Variants in MUC17 observed in about 807,000 individuals in gnomAD.
The protein encoded by MUC17 is mucin-17.
MUC17 carries 190 observed loss-of-function variants against 170.3 expected under a neutral mutation model. The ratio of observed to expected loss-of-function variants is 1.12; its 90% CI spans 0.99 to 1.26. The LOEUF (loss-of-function observed/expected upper bound fraction) is 1.26. Ranked by LOEUF, MUC17 falls within the 50% of genes most tolerant of loss-of-function variation. The pLI is 0.00. For missense variants in MUC17, 6,415 were observed against 5,530.0 expected (o/e 1.16, Z -5.08); for synonymous variants, 2,325 against 2,002.5 (o/e 1.16, Z -4.30).
chr7:101,036,055 A>T lies in MUC17; in HGVS notation c.4639A>T (p.Thr1547Ser). Residue 1547 changes from threonine (T) to serine (S), a missense_variant, in exon 3 of 13, where the codon ACT becomes TCT. Transcript: ENST00000306151. ...TPAVTSTPVT[T>S]YSQASSSPTT... ...TGCTGTCACCAGCACACCTGTGACC[A>T]CTTATTCTCAAGCCAGTTCATCTCC... 6.2e-7 allele frequency: 1 copy of T among 1,612,170 alleles called. No individual in the cohort carries two copies. Among genetic ancestry groups the T allele is most frequent in the Non-Finnish European group, 8.5e-7 (1 of 1,178,860 alleles).
In MUC17 at chr7:101,053,080, G is replaced by T; in HGVS notation, c.13198G>T (p.Val4400Leu). ...LVYGLVGAGV[V>L]LMLIILVALL... The stretch of plus-strand genomic sequence containing the variant: ...GTACGGCCTCGTGGGGGCAGGGGTC[G>T]TGCTGATGCTGATCATCCTGGTAGC... Residue 4400 changes from valine to leucine, a missense_variant, in exon 10 of 13, where the codon GTG becomes TTG. Coordinates refer to ENST00000306151, the MANE Select transcript of MUC17 (RefSeq NM_001040105.2). 1 of 1,614,128 alleles carries T rather than the reference G, an allele frequency of 6.2e-7. No individual in the cohort carries two copies. Among genetic ancestry groups the T allele is most frequent in the South Asian group, 1.1e-5 (1 of 91,078 alleles).
chr7:101,026,475 C>T (rs1794180441), intron 1 of MUC17, among the ~76,000 whole-genome samples: 1 of 152,244 alleles, frequency 6.6e-6, no homozygotes, highest in African/African-American at 2.4e-5. Context: ...TCATGCAGCT[C>T]ATAGTGCTGA....
In MUC17 at chr7:101,039,308, T is replaced by A; in HGVS notation, c.7892T>A (p.Val2631Glu). Residue 2631 changes from valine (V) to glutamate (E), a missense_variant, in exon 3 of 13, where the codon GTA (valine) becomes GAA (glutamate). Coordinates refer to ENST00000306151, the MANE Select transcript of MUC17 (RefSeq NM_001040105.2). ...ATGCCAATCTCAACTCCTAGTGAAG[T>A]AAGTACTTCATTAACAAGTATACTT... is the stretch of plus-strand genomic sequence containing the variant. ...TSMPISTPSE[V>E]STSLTSILVS... The A allele has an allele frequency of 6.3e-7, 1 of 1,594,236 alleles. No individual in the cohort carries two copies. Among genetic ancestry groups the A allele is most frequent in the Non-Finnish European group, 8.5e-7 (1 of 1,170,226 alleles).
In MUC17 at chr7:101,032,354, G is replaced by T. The variant is rs1230150482; in HGVS notation, c.938G>T (p.Ser313Ile). The change falls in exon 3 of 13, where the codon AGT becomes ATT. Residue 313 changes from serine (S) to isoleucine (I), a missense_variant. By Grantham distance (142) the Ser-to-Ile change is moderately radical. Coordinates refer to ENST00000306151, the MANE Select transcript of MUC17 (RefSeq NM_001040105.2). ...CCTGTGATCACTTCTACTGAAGCCA[G>T]TTCATCTCCTACAACGGCTGAAGGC... The part of the protein sequence containing the change: ...NIPVITSTEA[S>I]SSPTTAEGTS... 1.2e-6 allele frequency: 2 copies of T among 1,613,454 alleles called. No individual in the cohort carries two copies. The highest frequency in any genetic ancestry group is 2.2e-5 in the South Asian group (2 of 91,050).
Position 101,049,381 on chromosome 7 carries a change from C to G in MUC17, c.12721C>G (p.Arg4241Gly), listed in dbSNP as rs749795865. Reference sequence around the variant, plus strand: ...TGTCGGGGTGAACATCACAAAGCTACGGTAAGTGTCTGGGCCCTTGGGAAG... The same window carrying G: ...TGTCGGGGTGAACATCACAAAGCTAGGGTAAGTGTCTGGGCCCTTGGGAAG... ...EYVGVNITKL[R>G]LGSVVVEHDV... Residue 4241 changes from arginine (R) to glycine (G), a missense_variant and splice_region_variant, in exon 6 of 13, where the codon CGT (arginine) becomes GGT (glycine). Physicochemically the swap from Arg to Gly is moderately radical, Grantham distance 125. Transcript: ENST00000306151. 66 of 1,611,694 alleles carry G rather than the reference C, an allele frequency of 4.1e-5. No homozygotes were observed. Among genetic ancestry groups the G allele is most frequent in the Non-Finnish European group, 5.3e-5 (63 of 1,178,896 alleles).
At chr7:101,028,576 C>G (rs995003206) in intron 1 of MUC17, among the ~76,000 whole-genome samples, 5 of 151,850 alleles carry the variant, frequency 3.3e-5, no homozygotes, top group Admixed American at 2.6e-4. Context: ...ACATATGGAA[C>G]AGTTATAGAA....
chr7:101,037,372 C>G lies in MUC17; in HGVS notation c.5956C>G (p.Pro1986Ala), dbSNP rs1350938930. 6.2e-7 allele frequency: 1 copy of G among 1,613,916 alleles called. No homozygotes were observed. The highest frequency in any genetic ancestry group is 8.5e-7 in the Non-Finnish European group (1 of 1,179,964). Reference sequence around the variant, plus strand: ...CCCAGCTTATAGTGAAGGAAGCACTCCACTAACAAGTATGCCTCTCAGCAC... The same window carrying G: ...CCCAGCTTATAGTGAAGGAAGCACTGCACTAACAAGTATGCCTCTCAGCAC... ...PTPAYSEGST[P>A]LTSMPLSTTL... Residue 1986 changes from proline to alanine, a missense_variant, in exon 3 of 13, where the codon CCA (proline) becomes GCA (alanine). Physicochemically the swap from Pro to Ala is conservative, Grantham distance 27. Transcript: ENST00000306151.
In MUC17 at chr7:101,031,212, G is replaced by A. The variant is rs749724790; in HGVS notation, c.175G>A (p.Val59Ile). Residue 59 changes from valine to isoleucine, a missense_variant, in exon 2 of 13, where the codon GTT (valine) becomes ATT (isoleucine). Coordinates refer to ENST00000306151, the MANE Select transcript of MUC17 (RefSeq NM_001040105.2). Reference protein sequence around the residue: ...NRQCQQLSQHVRTGSAANTAT... With the variant: ...NRQCQQLSQHIRTGSAANTAT... ...TCAGTGCCAGCAGCTGTCTCAGCAC[G>A]TTAGGACAGGTAAGGCAACAGACTC... is the stretch of plus-strand genomic sequence containing the variant. 1.4e-5 allele frequency: 23 copies of A among 1,612,718 alleles called. No individual in the cohort carries two copies. Among genetic ancestry groups the A allele is most frequent in the Middle Eastern group, 1.6e-4 (1 of 6,072 alleles).
Position 101,033,043 on chromosome 7 carries a change from A to G in MUC17, c.1627A>G (p.Thr543Ala). The stretch of plus-strand genomic sequence containing the variant: ...TCCTGTTGACACCAGCACACCTGTG[A>G]CCACTTCTAGTGAAGCCAGTTCATC... ...TTPVDTSTPV[T>A]TSSEASSSST... The change falls in exon 3 of 13, where the codon ACC becomes GCC. Residue 543 changes from threonine to alanine, a missense_variant. Thr to Ala is a moderately conservative substitution (Grantham distance 58). Coordinates refer to ENST00000306151, the MANE Select transcript of MUC17 (RefSeq NM_001040105.2). 1.9e-6 allele frequency: 3 copies of G among 1,613,652 alleles called. No individual in the cohort carries two copies. Among genetic ancestry groups the G allele is most frequent in the Non-Finnish European group, 2.5e-6 (3 of 1,179,952 alleles).
chr7:101,048,017 G>T lies in MUC17; in HGVS notation c.12437G>T (p.Arg4146Leu). The T allele has an allele frequency of 1.2e-6, 2 of 1,605,614 alleles. No individual in the cohort carries two copies. Among genetic ancestry groups the T allele is most frequent in the South Asian group, 2.2e-5 (2 of 89,646 alleles). The change falls in exon 4 of 13, where the codon CGC becomes CTC. Residue 4146 changes from arginine to leucine, a missense_variant. Transcript: ENST00000306151. ...GATGGGTGCCAGAATACGGCCTCTC[G>T]CTGCAAGAATGGAGGCACCTGGGAT... ...FGDGCQNTAS[R>L]CKNGGTWDGL... is the part of the protein sequence containing the mutation.
At chr7:101,020,775 C>A (rs1794062277) in intron 1 of MUC17, among the ~76,000 whole-genome samples, 1 of 152,142 alleles carries the variant, frequency 6.6e-6, no homozygotes, top group African/African-American at 2.4e-5. Flanking sequence ...AGTTCATCTC[C>A]TGCCTCAGTC....
At position 101,041,511 on chromosome 7, in the gene MUC17, T is replaced by C. The variant is rs774076182; in HGVS notation, c.10095T>C (p.Val3365=). 30 of 1,612,890 alleles carry C rather than the reference T, an allele frequency of 1.9e-5. No homozygotes were observed. The highest frequency in any genetic ancestry group is 5.5e-5 in the South Asian group (5 of 91,004). ...CTAGCACCCTTTCCACAACTCCTGT[T>C]GACACCAGCACACCTGTCACCACTT... ...SEASTLSTTP[V]DTSTPVTTST... is the part of the protein sequence containing the mutation. The change falls in exon 3 of 13, where the codon GTT becomes GTC. Residue 3365 remains valine, a synonymous_variant. Coordinates refer to ENST00000306151, the MANE Select transcript of MUC17 (RefSeq NM_001040105.2).
At position 101,032,706 on chromosome 7, in the gene MUC17, C is replaced by T; in HGVS notation, c.1290C>T (p.Ala430=). ...SKTFVTTASE[A]SSSPTTAEDT... is the part of the protein sequence containing the mutation. The stretch of plus-strand genomic sequence containing the variant: ...CTTTTGTGACCACTGCTAGTGAAGC[C>T]AGCTCATCTCCCACAACTGCTGAAG... Residue 430 remains alanine (A), a synonymous_variant, in exon 3 of 13, where the codon GCC becomes GCT. Coordinates refer to ENST00000306151, the MANE Select transcript of MUC17 (RefSeq NM_001040105.2). 6.3e-7 allele frequency: 1 copy of T among 1,576,904 alleles called. No homozygotes were observed. Among genetic ancestry groups the T allele is most frequent in the Non-Finnish European group, 8.7e-7 (1 of 1,154,604 alleles).
intron 1 of MUC17, among the ~76,000 whole-genome samples, chr7:101,026,560 G>C (rs2116393822): frequency 6.6e-6 from 1 of 152,256 alleles, no homozygotes; most frequent in East Asian, 1.9e-4. Flanking sequence ...GAGCAAAATG[G>C]ACATGCAAGG....
At position 101,033,465 on chromosome 7, in the gene MUC17, T is replaced by C. The variant is rs1794356636; in HGVS notation, c.2049T>C (p.Tyr683=). 4.4e-6 allele frequency: 7 copies of C among 1,607,906 alleles called. No individual in the cohort carries two copies. Among genetic ancestry groups the C allele is most frequent in the Non-Finnish European group, 5.9e-6 (7 of 1,178,046 alleles). The part of the protein sequence containing the change: ...AEGTSMPTST[Y]TEGSTPLTSM... ...GTACCAGCATGCCAACCTCAACTTA[T>C]ACTGAAGGAAGCACTCCATTAACAA... Residue 683 remains tyrosine (Y), a synonymous_variant, in exon 3 of 13, where the codon TAT becomes TAC. Coordinates refer to ENST00000306151, the MANE Select transcript of MUC17 (RefSeq NM_001040105.2).
chr7:101,051,419 G>GAGGCAT (rs1291480448), intron 7 of MUC17, among the ~76,000 whole-genome samples, 194 bp from the exon 8 acceptor site: 2 of 150,226 alleles, frequency 1.3e-5, no homozygotes, highest in Non-Finnish European at 3.0e-5. Flanking sequence ...AGAGAAAAGG[G>GAGGCAT]AGGCATAGGA....
At position 101,037,261 on chromosome 7, in the gene MUC17, A is replaced by G. The variant is rs778397032; in HGVS notation, c.5845A>G (p.Thr1949Ala). ...TTCTGAAATCAACACCCTTTCAACAACTCTTGCTGACACCAGGACACCTGT... is the reference window on the plus strand; with the variant it reads ...TTCTGAAATCAACACCCTTTCAACAGCTCTTGCTGACACCAGGACACCTGT... ...ASSEINTLST[T>A]LADTRTPVTT... The change falls in exon 3 of 13, where the codon ACT becomes GCT. Residue 1949 changes from threonine to alanine, a missense_variant. By Grantham distance (58) the Thr-to-Ala change is moderately conservative. Transcript: ENST00000306151. 2.1e-5 allele frequency: 34 copies of G among 1,610,622 alleles called. No individual in the cohort carries two copies. Among genetic ancestry groups the G allele is most frequent in the Admixed American group, 8.4e-5 (5 of 59,872 alleles).
rs766231137 is a variant in MUC17 at position 101,041,210 on chromosome 7, C to T, written c.9794C>T (p.Thr3265Ile). 6.2e-7 allele frequency: 1 copy of T among 1,613,424 alleles called. No homozygotes were observed. Among genetic ancestry groups the T allele is most frequent in the African/African-American group, 1.3e-5 (1 of 74,850 alleles). ...ACTGAAGCCAGTTCATCTCCTCCCA[C>T]TGCTGAAGGTACCAGCATGCCAACC... ...TSTEASSSPP[T>I]AEGTSMPTST... The change falls in exon 3 of 13, where the codon ACT (threonine) becomes ATT (isoleucine). Residue 3265 changes from threonine to isoleucine, a missense_variant. Thr to Ile is a moderately conservative substitution (Grantham distance 89). Coordinates refer to ENST00000306151, the MANE Select transcript of MUC17 (RefSeq NM_001040105.2).
chr7:101,035,186 G>A lies in MUC17; in HGVS notation c.3770G>A (p.Ser1257Asn), dbSNP rs1182283377. Residue 1257 changes from serine to asparagine, a missense_variant, in exon 3 of 13, where the codon AGT becomes AAT. By Grantham distance (46) the Ser-to-Asn change is conservative. Coordinates refer to ENST00000306151, the MANE Select transcript of MUC17 (RefSeq NM_001040105.2). ...CCTGTGACCACTTCTGCTGAAACCA[G>A]TTCCTCTCCTACAACCGCTGAAGGT... ...STPVTTSAET[S>N]SSPTTAEGTS... 2 of 1,610,222 alleles carry A rather than the reference G, an allele frequency of 1.2e-6. No individual in the cohort carries two copies. Among genetic ancestry groups the A allele is most frequent in the African/African-American group, 1.3e-5 (1 of 74,630 alleles).
Sources: allele counts gnomAD v4.1 joint callset (sites outside exome capture counted in the v4.1 genomes callset), GRCh38; gene constraint gnomAD v4.1.1; transcripts MANE v1.5; gene names NCBI Gene and HGNC (gene_info 2026-07-23, HGNC 2026-07-21).